Variants in STPG2 observed in about 807,000 individuals in gnomAD.
The protein encoded by STPG2 is sperm-tail PG-rich repeat-containing protein 2.
In STPG2, 56 loss-of-function variants were observed where a neutral mutation model predicts 54.2. That is an observed-to-expected ratio of 1.03 (90% CI 0.83 to 1.29). STPG2 has a LOEUF of 1.29. STPG2 is among the 50% of genes most tolerant of loss of function. STPG2 has a pLI of 0.00. For missense variants in STPG2, 596 were observed against 544.9 expected (o/e 1.09, Z -0.93); for synonymous variants, 200 against 181.8 (o/e 1.10, Z -0.81).
intron 8 of STPG2, among the ~76,000 whole-genome samples, chr4:97,886,321 C>G (rs1477291727): frequency 1.3e-5 from 2 of 152,070 alleles, no homozygotes; most frequent in African/African-American, 2.4e-5. Flanking sequence ...AACAGTAATG[C>G]TTTATGCCAG....
intron 4 of STPG2, among the ~76,000 whole-genome samples, chr4:97,469,567 A>G (rs1340722512): frequency 2.0e-5 from 3 of 152,128 alleles, no homozygotes; most frequent in Admixed American, 2.0e-4. Flanking sequence ...GGACATTCTG[A>G]GTATAATATG....
chr4:97,904,219 A>T (rs1384242191), intron 8 of STPG2, among the ~76,000 whole-genome samples: 1 of 152,172 alleles, frequency 6.6e-6, no homozygotes, highest in Non-Finnish European at 1.5e-5. Flanking sequence ...CTTTGAAGAG[A>T]GCAGTGGTTC....
chr4:97,808,597 G>A (rs1727643364), intron 9 of STPG2, among the ~76,000 whole-genome samples: 1 of 150,606 alleles, frequency 6.6e-6, no homozygotes, highest in Non-Finnish European at 1.5e-5. Flanking sequence ...TTCATCAGTG[G>A]AAGATTTAAA....
At chr4:97,954,997 G>C (rs1175468084) in intron 7 of STPG2, among the ~76,000 whole-genome samples, 1 of 152,024 alleles carries the variant, frequency 6.6e-6, no homozygotes, top group East Asian at 1.9e-4. Context: ...AGAAATAGTT[G>C]AAATCGTAAA....
intron 5 of STPG2, among the ~76,000 whole-genome samples, chr4:98,079,514 G>A (rs773532099): frequency 6.6e-6 from 1 of 152,020 alleles, no homozygotes; most frequent in African/African-American, 2.4e-5. Context: ...AGTATTTCAG[G>A]TACTCATTTG....
intron 5 of STPG2, among the ~76,000 whole-genome samples, chr4:98,033,562 C>T (rs778085462): frequency 6.6e-6 from 1 of 152,046 alleles, no homozygotes; most frequent in African/African-American, 2.4e-5. Context: ...AAAACTACTC[C>T]GAATGATAGA....
intron 9 of STPG2, among the ~76,000 whole-genome samples, chr4:97,817,306 T>C (rs1458695991): frequency 3.3e-5 from 5 of 151,546 alleles, no homozygotes; most frequent in African/African-American, 1.2e-4. Flanking sequence ...CTATGAACTA[T>C]CTGATAAATT....
chr4:97,709,367 A>G (rs1460745450), intron 10 of STPG2, among the ~76,000 whole-genome samples: 1 of 151,622 alleles, frequency 6.6e-6, no homozygotes, highest in Non-Finnish European at 1.5e-5. Context: ...GGATTTATAC[A>G]TGTTAATATT....
intron 5 of STPG2, among the ~76,000 whole-genome samples, chr4:98,090,522 T>C (rs1275264075): frequency 1.3e-5 from 2 of 152,140 alleles, no homozygotes; most frequent in Non-Finnish European, 2.9e-5. Context: ...TTGCTTAGTA[T>C]TGCTTTGGCT....
intron 8 of STPG2, among the ~76,000 whole-genome samples, chr4:97,881,769 T>C (rs1730382082): frequency 6.6e-6 from 1 of 152,178 alleles, no homozygotes; most frequent in African/African-American, 2.4e-5. Flanking sequence ...CAGCCATCAT[T>C]GTCCAACATA....
At chr4:98,043,504 C>G (rs1169024353) in intron 5 of STPG2, among the ~76,000 whole-genome samples, 1 of 151,778 alleles carries the variant, frequency 6.6e-6, no homozygotes, top group Non-Finnish European at 1.5e-5. Flanking sequence ...CTTGTGGTTA[C>G]CAAGGGGCTT....
At chr4:98,086,003 A>C (rs1738491595) in intron 5 of STPG2, among the ~76,000 whole-genome samples, 1 of 152,138 alleles carries the variant, frequency 6.6e-6, no homozygotes, top group Non-Finnish European at 1.5e-5. Flanking sequence ...AGCACATAAA[A>C]AAATTTAAAA....
intron 8 of STPG2, among the ~76,000 whole-genome samples, chr4:97,936,648 G>A (rs192424518): frequency 6.6e-6 from 1 of 152,178 alleles, no homozygotes; most frequent in Non-Finnish European, 1.5e-5. Flanking sequence ...GCTTAGTTTG[G>A]CCAGATATGA....
chr4:98,102,314 G>T (rs1739062715), intron 5 of STPG2, among the ~76,000 whole-genome samples: 1 of 152,104 alleles, frequency 6.6e-6, no homozygotes, highest in African/African-American at 2.4e-5. Context: ...GCTACTGTCT[G>T]CTTTTGTAAA....
chr4:97,928,513 A>G (rs1732419294), intron 8 of STPG2, among the ~76,000 whole-genome samples: 2 of 152,198 alleles, frequency 1.3e-5, no homozygotes, highest in African/African-American at 4.8e-5. Flanking sequence ...CAAAAATATA[A>G]TCATATACAA....
intron 9 of STPG2, among the ~76,000 whole-genome samples, chr4:97,713,035 C>G (rs2149008355): frequency 1.3e-5 from 2 of 152,084 alleles, no homozygotes; most frequent in African/African-American, 4.8e-5. Context: ...TATATTACAG[C>G]AATAATTTCC....
chr4:97,543,459 C>A (rs185254812), intron 4 of STPG2, among the ~76,000 whole-genome samples: 1 of 150,344 alleles, frequency 6.7e-6, no homozygotes, highest in Non-Finnish European at 1.5e-5. Flanking sequence ...TTTTTCCTTA[C>A]GGGAAAAAAA....
chr4:97,561,880 C>A (rs1176516687), intron 10 of STPG2, among the ~76,000 whole-genome samples: 1 of 152,104 alleles, frequency 6.6e-6, no homozygotes, highest in Non-Finnish European at 1.5e-5. Flanking sequence ...AGCGTGATGC[C>A]TCCAGCTTTG....
chr4:98,109,426 A>G (rs1307118869), intron 3 of STPG2, 121 bp from the exon 4 acceptor site: 6 of 677,572 alleles, frequency 8.9e-6, no homozygotes, highest in Non-Finnish European at 1.5e-5. Flanking sequence ...AGGGGGTTCC[A>G]CTGGTAAATG....
Sources: gnomAD v4.1 joint callset for allele counts (sites outside exome capture counted in the v4.1 genomes callset) on GRCh38, gnomAD v4.1.1 for gene constraint, MANE v1.5 for transcripts, NCBI Gene and HGNC (gene_info 2026-07-23, HGNC 2026-07-21) for gene names.